Variants in CSMD3 observed in about 807,000 individuals in gnomAD.
CSMD3 encodes CUB and sushi domain-containing protein 3.
Under a neutral mutation model 435.2 loss-of-function variants are expected in CSMD3, and 177 were observed. That is an observed-to-expected ratio of 0.41 (90% CI 0.36 to 0.46). The LOEUF (loss-of-function observed/expected upper bound fraction) is 0.46. Ranked by LOEUF, CSMD3 falls within the 20% of genes least tolerant of loss-of-function variation. The pLI is 0.34. For missense variants in CSMD3, 4,265 were observed against 4,504.6 expected, an observed-to-expected ratio of 0.95 and a Z score of 1.52; for synonymous variants, 1,656 against 1,520.5, an observed-to-expected ratio of 1.09 and a Z score of -2.07.
chr8:112,974,901 A>T (rs1161133220), intron 7 of CSMD3, among the ~76,000 whole-genome samples: 1 of 151,880 alleles, frequency 6.6e-6, no homozygotes, highest in Non-Finnish European at 1.5e-5. Context: ...ACACTGCAAA[A>T]ACCATAGCCA....
At chr8:112,979,083 GA>G (rs1363837957) in intron 6 of CSMD3, among the ~76,000 whole-genome samples, 1 of 151,834 alleles carries the variant, frequency 6.6e-6, no homozygotes, top group Non-Finnish European at 1.5e-5. Flanking sequence ...ACATCACTTT[GA>G]AAAAGTGTGG....
intron 13 of CSMD3, among the ~76,000 whole-genome samples, chr8:112,735,813 T>C (rs925577770): frequency 6.6e-6 from 1 of 152,062 alleles, no homozygotes; most frequent in South Asian, 2.1e-4. Context: ...ATAACACTTT[T>C]TTTTTACTGT....
At chr8:113,357,811 C>T (rs999269147) in intron 1 of CSMD3, among the ~76,000 whole-genome samples, 9 of 152,076 alleles carry the variant, frequency 5.9e-5, no homozygotes, top group Non-Finnish European at 5.9e-5. Context: ...TAGCACTTCC[C>T]CCTTTCCTCT....
intron 10 of CSMD3, among the ~76,000 whole-genome samples, chr8:112,904,183 G>A: frequency 6.6e-6 from 1 of 151,398 alleles, no homozygotes; most frequent in African/African-American, 2.4e-5. Context: ...CACCTTAGAT[G>A]TATCAATAAA....
chr8:112,972,892 T>A (rs1394694522), intron 7 of CSMD3, among the ~76,000 whole-genome samples: 1 of 151,912 alleles, frequency 6.6e-6, no homozygotes, highest in African/African-American at 2.4e-5. Context: ...TGGCAAGTTA[T>A]AAGAGGAATA....
rs1186787366 is a variant in CSMD3, at chr8:113,406,600, G to A, written c.178+30077C>T. ...TTCAATCTAGTTATTTCATATGTGT[G>A]TATGTGCATACATAATCTAGTTTTT... On this transcript the variant is annotated intron_variant, in intron 1 of 70. Coordinates refer to ENST00000297405, the MANE Select transcript of CSMD3 (RefSeq NM_198123.2). Among the ~76,000 whole-genome samples, 7 of 152,070 alleles carry A rather than the reference G, an allele frequency of 4.6e-5. No individual in the cohort carries two copies. In the Middle Eastern group the frequency reaches 0.01, roughly 222 times the overall value.
At chr8:113,162,474 A>G (rs1481991444) in intron 4 of CSMD3, among the ~76,000 whole-genome samples, 1 of 151,062 alleles carries the variant, frequency 6.6e-6, no homozygotes, top group African/African-American at 2.4e-5. Context: ...CTGAGGCAGG[A>G]GAATCCCTTG....
intron 1 of CSMD3, among the ~76,000 whole-genome samples, chr8:113,402,491 A>AC (rs1421756115): frequency 2.0e-5 from 3 of 151,394 alleles, no homozygotes; most frequent in Admixed American, 6.6e-5. Context: ...GTATATCTGT[A>AC]CCTTCTGTGA....
chr8:113,210,003 GGTGTGTGTGTGTGTGTGTGT>G (rs3048831), intron 3 of CSMD3, among the ~76,000 whole-genome samples: 2 of 138,954 alleles, frequency 1.4e-5, no homozygotes, highest in African/African-American at 2.5e-5. Context: ...TCTCCTAAAA[GGTGTGTGTGTGTGTGTGTGT>G]GTGTGTGTGT....
chr8:112,235,819 G>A (rs1310120904), intron 67 of CSMD3, among the ~76,000 whole-genome samples: 1 of 152,012 alleles, frequency 6.6e-6, no homozygotes, highest in Admixed American at 6.6e-5. Context: ...GCTACAATTG[G>A]TTTATATGGA....
chr8:112,561,578 C>G (rs1394553734), intron 24 of CSMD3, among the ~76,000 whole-genome samples: 1 of 151,582 alleles, frequency 6.6e-6, no homozygotes, highest in Non-Finnish European at 1.5e-5. Context: ...GATTAATATT[C>G]AGATTACCAT....
At chr8:113,119,735 A>C (rs779026417) in intron 4 of CSMD3, among the ~76,000 whole-genome samples, 4 of 152,168 alleles carry the variant, frequency 2.6e-5, no homozygotes, top group Non-Finnish European at 4.4e-5. Flanking sequence ...TAAATTCCTA[A>C]AAATAGGAAA....
chr8:112,968,413 G>C (rs1178870854), intron 7 of CSMD3, among the ~76,000 whole-genome samples: 1 of 151,382 alleles, frequency 6.6e-6, no homozygotes, highest in Admixed American at 6.6e-5. Flanking sequence ...TACAACCTAT[G>C]CTTGAATGTC....
chr8:113,038,801 TC>T (rs951431556), intron 5 of CSMD3, among the ~76,000 whole-genome samples: 1 of 152,192 alleles, frequency 6.6e-6, no homozygotes, highest in African/African-American at 2.4e-5. Flanking sequence ...CCTCTGGATT[TC>T]CCATACAAAC....
intron 13 of CSMD3, among the ~76,000 whole-genome samples, chr8:112,713,459 T>C (rs1435988908): frequency 1.4e-5 from 2 of 145,254 alleles, no homozygotes; most frequent in Non-Finnish European, 3.0e-5. Flanking sequence ...GATCAGAGAG[T>C]CTGAAAGAGA....
chr8:112,742,209 T>G (rs1488082396), intron 13 of CSMD3, among the ~76,000 whole-genome samples: 1 of 151,942 alleles, frequency 6.6e-6, no homozygotes, highest in Non-Finnish European at 1.5e-5. Context: ...TTTTTATTAA[T>G]TATAAAACAC....
intron 1 of CSMD3, among the ~76,000 whole-genome samples, chr8:113,374,719 C>A (rs1456352313): frequency 6.7e-6 from 1 of 148,972 alleles, no homozygotes; most frequent in African/African-American, 2.5e-5. Flanking sequence ...TATAACTCAG[C>A]AACAGTTGTC....
chr8:112,450,490 G>T (rs1425942099), intron 32 of CSMD3, among the ~76,000 whole-genome samples: 30 of 152,158 alleles, frequency 2.0e-4, no homozygotes, highest in Admixed American at 2.0e-3. Context: ...GGCACATGTA[G>T]TATGTAAATT....
At chr8:112,709,403 C>T (rs183493676) in intron 13 of CSMD3, among the ~76,000 whole-genome samples, 278 of 151,980 alleles carry the variant, frequency 1.8e-3, no homozygotes, top group African/African-American at 6.0e-3. Flanking sequence ...CCTTAGGACA[C>T]GCTTGGGGAA....
Sources: allele counts gnomAD v4.1 joint callset (sites outside exome capture counted in the v4.1 genomes callset), GRCh38; gene constraint gnomAD v4.1.1; transcripts MANE v1.5; gene names NCBI Gene and HGNC (gene_info 2026-07-23, HGNC 2026-07-21).